Variants in CADM2 observed in about 807,000 individuals in gnomAD.
The protein encoded by CADM2 is cell adhesion molecule 2.
In CADM2, 12 loss-of-function variants were observed where a neutral mutation model predicts 49.8. That is an observed-to-expected ratio of 0.24 (90% confidence interval 0.15 to 0.39). CADM2 has a LOEUF of 0.39. Among genes scored for constraint, CADM2 ranks in the 10% least tolerant of loss-of-function variants. The probability of loss-of-function intolerance (pLI) is 1.00; values close to 1 mark genes in which losing one functional copy is unlikely to be tolerated. For missense variants in CADM2, 378 were observed against 492.3 expected (o/e 0.77, Z 2.20); for synonymous variants, 214 against 175.4 (o/e 1.22, Z -1.74).
chr3:85,743,626 A>T (rs1158764633), intron 2 of CADM2, among the ~76,000 whole-genome samples: 1 of 152,168 alleles, frequency 6.6e-6, no homozygotes, highest in Non-Finnish European at 1.5e-5. Flanking sequence ...ATCCCAGTAA[A>T]AAAAAGAATT....
At chr3:85,714,573 C>A (rs1413365135) in intron 1 of CADM2, among the ~76,000 whole-genome samples, 1 of 151,846 alleles carries the variant, frequency 6.6e-6, no homozygotes, top group East Asian at 1.9e-4. Flanking sequence ...ACTACAGACA[C>A]CCGCCACCAC....
intron 1 of CADM2, among the ~76,000 whole-genome samples, chr3:85,403,161 A>T (rs2035201449): frequency 6.6e-6 from 1 of 152,168 alleles, no homozygotes; most frequent in Non-Finnish European, 1.5e-5. Flanking sequence ...TTTAAAACAT[A>T]TTCTGGAGAC....
At chr3:85,226,593 AAG>A (rs2042167235) in intron 1 of CADM2, among the ~76,000 whole-genome samples, 2 of 151,152 alleles carry the variant, frequency 1.3e-5, no homozygotes, top group Admixed American at 1.3e-4. Context: ...TGATATTTTG[AAG>A]AGTTTTTTTT....
chr3:84,964,244 C>T (rs2030801390), intron 1 of CADM2, among the ~76,000 whole-genome samples: 1 of 152,102 alleles, frequency 6.6e-6, no homozygotes, highest in Non-Finnish European at 1.5e-5. Flanking sequence ...ATACTTAAAT[C>T]ACTTAAAGAG....
chr3:85,506,840 A>T (rs2040375994), intron 1 of CADM2, among the ~76,000 whole-genome samples: 1 of 152,192 alleles, frequency 6.6e-6, no homozygotes, highest in South Asian at 2.1e-4. Context: ...CCTCTCTTTT[A>T]TTAAAAGTAA....
At chr3:85,291,716 T>TA (rs2043802497) in intron 1 of CADM2, among the ~76,000 whole-genome samples, 1 of 147,200 alleles carries the variant, frequency 6.8e-6, no homozygotes, top group Non-Finnish European at 1.5e-5. Context: ...AGAAATAAAA[T>TA]ACTTTACAGA....
intron 3 of CADM2, among the ~76,000 whole-genome samples, chr3:85,815,809 T>G (rs2073169393): frequency 6.6e-6 from 1 of 152,102 alleles, no homozygotes; most frequent in South Asian, 2.1e-4. Flanking sequence ...TCAAATTGTC[T>G]CTGTTTGCAG....
intron 1 of CADM2, among the ~76,000 whole-genome samples, chr3:85,594,348 A>G (rs1015304195): frequency 5.9e-5 from 9 of 151,732 alleles, no homozygotes; most frequent in Non-Finnish European, 8.8e-5. Flanking sequence ...AACTGAAATT[A>G]TTTATTTATT....
At chr3:86,028,417 T>C (rs1734176809) in intron 8 of CADM2, among the ~76,000 whole-genome samples, 4 of 152,086 alleles carry the variant, frequency 2.6e-5, no homozygotes, top group African/African-American at 9.7e-5. Flanking sequence ...GGCTAACAGT[T>C]GCTATAAAAT....
intron 8 of CADM2, among the ~76,000 whole-genome samples, chr3:86,056,505 G>C (rs139852615): frequency 8.9e-4 from 135 of 152,262 alleles, no homozygotes; most frequent in African/African-American, 3.0e-3. Flanking sequence ...TATAAGTATA[G>C]ATTAATAAAA....
At chr3:85,153,262 G>A (rs1029174551) in intron 1 of CADM2, among the ~76,000 whole-genome samples, 1 of 152,196 alleles carries the variant, frequency 6.6e-6, no homozygotes, top group African/African-American at 2.4e-5. Context: ...GCGAGGCATT[G>A]CCTCACTCGG....
At chr3:85,149,055 A>T (rs913353932) in intron 1 of CADM2, among the ~76,000 whole-genome samples, 13 of 151,922 alleles carry the variant, frequency 8.6e-5, no homozygotes, top group Admixed American at 4.6e-4. Context: ...ATAAAGATAA[A>T]TTTTTAATTT....
intron 6 of CADM2, among the ~76,000 whole-genome samples, chr3:85,935,087 T>C (rs1028640252): frequency 6.6e-6 from 1 of 152,122 alleles, no homozygotes; most frequent in African/African-American, 2.4e-5. Flanking sequence ...ATAAATGTCT[T>C]GAAGTATTCT....
Position 85,702,174 on chromosome 3 carries a change from C to T in CADM2, c.62-24348C>T, listed in dbSNP as rs78336487. On this transcript the variant is annotated intron_variant, in intron 1 of 9. Transcript: ENST00000383699. ...TATTCTTGAAATTCTTCTGCAGCCT[C>T]ACAGTCATTTCTTTCTTTTTCTTGT... Among the ~76,000 whole-genome samples, 31 of 152,262 alleles carry T rather than the reference C, an allele frequency of 2.0e-4. No individual in the cohort carries two copies. In the East Asian group the frequency reaches 5.6e-3, roughly 27 times the overall value.
chr3:85,748,205 A>T (rs958201652), intron 2 of CADM2, among the ~76,000 whole-genome samples: 1 of 152,034 alleles, frequency 6.6e-6, no homozygotes, highest in African/African-American at 2.4e-5. Flanking sequence ...CCTCTTCCAG[A>T]CATCAAAGCC....
At chr3:85,772,034 G>T (rs184330949) in intron 2 of CADM2, among the ~76,000 whole-genome samples, 3 of 126,982 alleles carry the variant, frequency 2.4e-5, no homozygotes, top group African/African-American at 6.2e-5. Flanking sequence ...TTTTTGGTAC[G>T]TGTATAAAAT....
chr3:85,525,044 A>G (rs1265762752), intron 1 of CADM2, among the ~76,000 whole-genome samples: 1 of 152,142 alleles, frequency 6.6e-6, no homozygotes, highest in Non-Finnish European at 1.5e-5. Flanking sequence ...ATTAGGAGAA[A>G]TACATAACGT....
intron 1 of CADM2, among the ~76,000 whole-genome samples, chr3:85,173,453 C>T (rs2040690294): frequency 6.6e-6 from 1 of 151,542 alleles, no homozygotes; most frequent in Non-Finnish European, 1.5e-5. Flanking sequence ...TCATTTAATT[C>T]AATGTTTCTG....
intron 1 of CADM2, among the ~76,000 whole-genome samples, chr3:85,159,493 A>T (rs1402453868): frequency 6.6e-6 from 1 of 152,208 alleles, no homozygotes; most frequent in Non-Finnish European, 1.5e-5. Context: ...TCCTCCTGAG[A>T]TCCTTCAGAC....
Sources: gnomAD v4.1 joint callset for allele counts (sites outside exome capture counted in the v4.1 genomes callset) on GRCh38, gnomAD v4.1.1 for gene constraint, MANE v1.5 for transcripts, NCBI Gene and HGNC (gene_info 2026-07-23, HGNC 2026-07-21) for gene names.